The following PIK3C2G variants were observed in gnomAD, a reference collection of about 807,000 sequenced individuals.
The protein encoded by PIK3C2G is phosphatidylinositol-4-phosphate 3-kinase catalytic subunit type 2 gamma, also known as phosphatidylinositol 3-kinase C2 domain-containing subunit gamma.
A neutral mutation model predicts 181.1 loss-of-function variants in PIK3C2G; 168 were observed. The ratio of observed to expected loss-of-function variants is 0.93; its 90% CI spans 0.82 to 1.05. The LOEUF is 1.05. PIK3C2G is among the 50% of genes least tolerant of loss of function. The pLI is 0.00. For synonymous variants in PIK3C2G, 573 were observed against 592.2 expected (o/e 0.97, Z 0.47); for missense variants, 1,869 against 1,732.8 (o/e 1.08, Z -1.40).
chr12:18,486,662 A>T (rs879541592), intron 18 of PIK3C2G, among the ~76,000 whole-genome samples: 5 of 146,914 alleles, frequency 3.4e-5, no homozygotes, highest in East Asian at 2.0e-4. Context: ...AAAAATACTT[A>T]AAAAAAAAAC....
At chr12:18,399,601 C>A in intron 15 of PIK3C2G, 58 bp from the exon 16 acceptor site, 4 of 1,057,492 alleles carry the variant, frequency 3.8e-6, no homozygotes, top group Non-Finnish European at 2.7e-6. Flanking sequence ...ATATTTATAG[C>A]AACATTTGTT....
At chr12:18,587,344 A>G (rs1206924925) in intron 29 of PIK3C2G, among the ~76,000 whole-genome samples, 1 of 152,114 alleles carries the variant, frequency 6.6e-6, no homozygotes, top group African/African-American at 2.4e-5. Flanking sequence ...AAGCTAACAG[A>G]CAACTTCAGC....
Position 18,546,334 on chromosome 12 carries a change from A to G in PIK3C2G, c.3492A>G (p.Ala1164=). 6.3e-7 allele frequency: 1 copy of G among 1,582,016 alleles called. No homozygotes were observed. Among genetic ancestry groups the G allele is most frequent in the Non-Finnish European group, 8.6e-7 (1 of 1,157,326 alleles). Residue 1164 remains alanine (A), a synonymous_variant, in exon 26 of 33, where the codon GCA becomes GCG. Coordinates refer to ENST00000538779, the MANE Select transcript of PIK3C2G (RefSeq NM_001288772.2). ...TTGTTGTGGTTAAGATGCTGTATGC[A>G]GGACTGCCTGAGCTAAGTGGAATTC... The part of the protein sequence containing the change: ...LLNLLEMMLY[A]GLPELSGIQD...
At chr12:18,582,157 G>A (rs1330489804) in intron 29 of PIK3C2G, among the ~76,000 whole-genome samples, 1 of 152,146 alleles carries the variant, frequency 6.6e-6, no homozygotes, top group Non-Finnish European at 1.5e-5. Flanking sequence ...CTCATGGAGA[G>A]AAATAGAAGG....
intron 3 of PIK3C2G, among the ~76,000 whole-genome samples, chr12:18,288,875 T>G (rs905240389): frequency 1.3e-5 from 2 of 152,170 alleles, no homozygotes; most frequent in Non-Finnish European, 2.9e-5. Context: ...ATACTTGATG[T>G]GATGATTTTC....
intron 18 of PIK3C2G, among the ~76,000 whole-genome samples, chr12:18,430,524 C>T (rs1265389543): frequency 6.6e-6 from 1 of 152,166 alleles, no homozygotes; most frequent in African/African-American, 2.4e-5. Context: ...CAGTACTTGG[C>T]ACTTTATAGA....
intron 8 of PIK3C2G, among the ~76,000 whole-genome samples, chr12:18,325,903 T>C (rs528505490): frequency 3.3e-5 from 5 of 152,082 alleles, no homozygotes; most frequent in Non-Finnish European, 5.9e-5. Flanking sequence ...TTTATGATGT[T>C]CTACTTTGTC....
chr12:18,535,918 T>G (rs1943828750), intron 24 of PIK3C2G, among the ~76,000 whole-genome samples: 1 of 151,632 alleles, frequency 6.6e-6, no homozygotes, highest in African/African-American at 2.4e-5. Flanking sequence ...TGAGATCACA[T>G]GGACACAGGA....
Position 18,505,375 on chromosome 12 carries a change from TATC to T in PIK3C2G, c.3240_3242del (p.Ile1080del), listed in dbSNP as rs779830911. 2.7e-5 allele frequency: 44 copies of T among 1,613,350 alleles called. No homozygotes were observed. Among genetic ancestry groups the T allele is most frequent in the Non-Finnish European group, 3.0e-5 (35 of 1,179,640 alleles). On this transcript the variant is annotated inframe_deletion, in exon 24 of 33. Coordinates refer to ENST00000538779, the MANE Select transcript of PIK3C2G (RefSeq NM_001288772.2). Reference sequence around the variant, plus strand: ...GAGTATGTGACCGTCACAATGATAATATCATGCTGACAAAGTCGGGCCACATGT... The same window carrying T: ...GAGTATGTGACCGTCACAATGATAATATGCTGACAAAGTCGGGCCACATGT...
At chr12:18,278,604 G>T (rs931317908) in intron 1 of PIK3C2G, among the ~76,000 whole-genome samples, 1 of 152,206 alleles carries the variant, frequency 6.6e-6, no homozygotes, top group Admixed American at 6.5e-5. Context: ...CTATAGTTCT[G>T]CAGTCTTAGT....
At chr12:18,704,240 T>A in the PIK3C2G span, among the ~76,000 whole-genome samples, 1 of 152,166 alleles carries the variant, frequency 6.6e-6, no homozygotes, top group Non-Finnish European at 1.5e-5. Context: ...GGAACTTTCC[T>A]GTGAAGCAAT....
At chr12:18,345,515 T>G (rs1462635027) in intron 10 of PIK3C2G, among the ~76,000 whole-genome samples, 1 of 152,198 alleles carries the variant, frequency 6.6e-6, no homozygotes, top group Non-Finnish European at 1.5e-5. Flanking sequence ...ACAGACGTAC[T>G]GAGGCACAGA....
At chr12:18,531,998 A>G (rs1943580105) in intron 24 of PIK3C2G, among the ~76,000 whole-genome samples, 1 of 152,162 alleles carries the variant, frequency 6.6e-6, no homozygotes, top group Admixed American at 6.5e-5. Context: ...TTCACCAGCA[A>G]TGTGTGAGTA....
At chr12:18,531,901 T>C (rs1943574911) in intron 24 of PIK3C2G, among the ~76,000 whole-genome samples, 2 of 152,152 alleles carry the variant, frequency 1.3e-5, no homozygotes, top group African/African-American at 4.8e-5. Context: ...AAAAGTATAA[T>C]TTCTGGGTTG....
intron 22 of PIK3C2G, among the ~76,000 whole-genome samples, chr12:18,500,395 G>A (rs1267911693): frequency 6.6e-6 from 1 of 152,154 alleles, no homozygotes; most frequent in African/African-American, 2.4e-5. Flanking sequence ...GGCAAGGCTC[G>A]GGACCTGCAG....
chr12:18,333,427 T>C (rs1443828605), intron 8 of PIK3C2G, among the ~76,000 whole-genome samples: 2 of 152,066 alleles, frequency 1.3e-5, no homozygotes, highest in African/African-American at 4.8e-5. Flanking sequence ...CCTATTTCTC[T>C]CCCTCCTCTA....
chr12:18,663,562 T>A, the PIK3C2G span, among the ~76,000 whole-genome samples: 1 of 152,060 alleles, frequency 6.6e-6, no homozygotes, highest in South Asian at 2.1e-4. Context: ...AATCCCACAT[T>A]GATACCAAAG....
intron 31 of PIK3C2G, among the ~76,000 whole-genome samples, chr12:18,613,407 G>T (rs1038519869): frequency 2.6e-5 from 4 of 152,068 alleles, no homozygotes; most frequent in Non-Finnish European, 5.9e-5. Context: ...GATGGGAAAA[G>T]TAGTTTCTAT....
chr12:18,349,186 G>A (rs1423767600), intron 11 of PIK3C2G, among the ~76,000 whole-genome samples: 2 of 152,138 alleles, frequency 1.3e-5, no homozygotes, highest in Non-Finnish European at 2.9e-5. Context: ...ATTGTATCCT[G>A]TGGGAAAGCA....
Sources: gnomAD v4.1 joint callset for allele counts (sites outside exome capture counted in the v4.1 genomes callset) on GRCh38, gnomAD v4.1.1 for gene constraint, MANE v1.5 for transcripts, NCBI Gene and HGNC (gene_info 2026-07-23, HGNC 2026-07-21) for gene names.